The following RAPGEF2 variants were observed in gnomAD, a reference collection of about 807,000 sequenced individuals.
RAPGEF2 encodes the protein Rap guanine nucleotide exchange factor 2.
A neutral mutation model predicts 186.7 loss-of-function variants in RAPGEF2; 54 were observed. The observed-to-expected ratio is 0.29, with a 90% CI of 0.23 to 0.36. RAPGEF2 has a LOEUF of 0.36. Ranked by LOEUF, RAPGEF2 falls within the 10% of genes least tolerant of loss-of-function variation. RAPGEF2 has a pLI of 1.00. For synonymous variants in RAPGEF2, 712 were observed against 705.9 expected (o/e 1.01, Z -0.14); for missense variants, 1,532 against 2,045.0 (o/e 0.75, Z 4.84).
At position 159,358,170 on chromosome 4, in the gene RAPGEF2, C is replaced by T. The variant is rs1475514760; in HGVS notation, c.*31C>T. ...AGACTTTTCTGGAAGCAGAGCGAGC[C>T]ACCTGAAAGGAGAGCACAAGAAGAC... On this transcript the variant is annotated 3_prime_UTR_variant, in exon 30 of 30. Coordinates refer to ENST00000691494, the MANE Select transcript of RAPGEF2 (RefSeq NM_001394067.2). 1.9e-6 allele frequency: 3 copies of T among 1,606,184 alleles called. No homozygotes were observed. The Admixed American group carries it at 5.1e-5, about 27-fold the overall frequency.
chr4:159,160,858 A>G lies in RAPGEF2; in HGVS notation c.70-25784A>G, dbSNP rs545377776. The stretch of plus-strand genomic sequence containing the variant: ...AATCATCTTAAAGTGGAGTGTACTT[A>G]CCCACATCAGGGTTTAAAAGGTAAA... On this transcript the variant is annotated intron_variant, in intron 1 of 29. Coordinates refer to ENST00000691494, the MANE Select transcript of RAPGEF2 (RefSeq NM_001394067.2). 7.9e-5 allele frequency among the ~76,000 whole-genome samples: 12 copies of G among 152,220 alleles called. No homozygotes were observed. In the East Asian group the frequency reaches 2.3e-3, roughly 29 times the overall value.
rs547766505 is a variant in RAPGEF2, at chr4:159,174,688, A to G, written c.70-11954A>G. ...TGGAAAAGAAACCTGAAGAAGTTTTAGACAAACAGGGAATGACTTGAGTCT... is the reference window on the plus strand; with the variant it reads ...TGGAAAAGAAACCTGAAGAAGTTTTGGACAAACAGGGAATGACTTGAGTCT... On this transcript the variant is annotated intron_variant, in intron 1 of 29. Coordinates refer to ENST00000691494, the MANE Select transcript of RAPGEF2 (RefSeq NM_001394067.2). Among the ~76,000 whole-genome samples, 10 of 152,058 alleles carry G rather than the reference A, an allele frequency of 6.6e-5. No homozygotes were observed. In the South Asian group the frequency reaches 2.1e-3, roughly 32 times the overall value.
At chr4:159,251,668 G>A (rs1364365967) in intron 7 of RAPGEF2, among the ~76,000 whole-genome samples, 1 of 150,622 alleles carries the variant, frequency 6.6e-6, no homozygotes, top group Non-Finnish European at 1.5e-5. Context: ...TAGCTAGAGG[G>A]TTGTAAATGC....
chr4:159,122,386 G>A (rs1488031148), intron 1 of RAPGEF2, among the ~76,000 whole-genome samples: 1 of 152,000 alleles, frequency 6.6e-6, no homozygotes, highest in East Asian at 1.9e-4. Flanking sequence ...GGCTGAGGCA[G>A]GAGAACTGCT....
At chr4:159,268,037 T>C in intron 7 of RAPGEF2, 1 of 1,461,604 alleles carries the variant, frequency 6.8e-7, no homozygotes. Flanking sequence ...CAGCTTGGTT[T>C]TCCCTCCTCC....
At chr4:159,224,762 C>A (rs751058807) in intron 4 of RAPGEF2, among the ~76,000 whole-genome samples, 23 of 152,220 alleles carry the variant, frequency 1.5e-4, no homozygotes, top group Middle Eastern at 3.4e-3. Context: ...AAAGTTGAAA[C>A]CAGAGACAGG....
At chr4:159,144,175 G>C (rs1742650694) in intron 1 of RAPGEF2, among the ~76,000 whole-genome samples, 1 of 149,838 alleles carries the variant, frequency 6.7e-6, no homozygotes, top group Non-Finnish European at 1.5e-5. Context: ...TCTCTGTATA[G>C]CTGCATAAAC....
intron 8 of RAPGEF2, among the ~76,000 whole-genome samples, chr4:159,312,562 T>C (rs983511975): frequency 5.9e-5 from 9 of 152,194 alleles, no homozygotes; most frequent in African/African-American, 2.2e-4. Flanking sequence ...GTCACAGTTC[T>C]GTCTGTATGG....
intron 9 of RAPGEF2, among the ~76,000 whole-genome samples, chr4:159,317,146 C>G (rs542950869): frequency 3.0e-4 from 46 of 152,106 alleles, no homozygotes; most frequent in Admixed American, 5.9e-4. Context: ...TTCACCATTT[C>G]AGCTATATAC....
chr4:159,303,877 G>C (rs1419137733), intron 7 of RAPGEF2, among the ~76,000 whole-genome samples: 1 of 151,980 alleles, frequency 6.6e-6, no homozygotes, highest in Non-Finnish European at 1.5e-5. Context: ...TGCTTATATG[G>C]CAATATACTT....
intron 7 of RAPGEF2, among the ~76,000 whole-genome samples, chr4:159,265,034 C>T (rs1011596918): frequency 3.6e-4 from 55 of 152,150 alleles, no homozygotes; most frequent in Admixed American, 3.5e-3. Context: ...TACCGTTTGG[C>T]AACAGTTTAC....
chr4:159,115,542 A>G (rs905038871), intron 1 of RAPGEF2, among the ~76,000 whole-genome samples: 1 of 73,872 alleles, frequency 1.4e-5, no homozygotes, highest in African/African-American at 5.6e-5. Context: ...CTGCAAAGCA[A>G]TAAGTTTCTG....
chr4:159,162,329 G>A (rs554168344), intron 1 of RAPGEF2, among the ~76,000 whole-genome samples: 4 of 150,534 alleles, frequency 2.7e-5, no homozygotes, highest in Admixed American at 6.6e-5. Context: ...CCAGGAGTTT[G>A]GGGGTTACAG....
chr4:159,322,277 A>G, intron 9 of RAPGEF2, 70 bp from the exon 10 acceptor site: 1 of 1,471,860 alleles, frequency 6.8e-7, no homozygotes, highest in East Asian at 2.3e-5. Context: ...AGGACCCTAA[A>G]ACATTCTTTT....
At chr4:159,292,674 G>A (rs1029980573) in intron 7 of RAPGEF2, among the ~76,000 whole-genome samples, 62 of 152,218 alleles carry the variant, frequency 4.1e-4, no homozygotes, top group African/African-American at 1.5e-3. Flanking sequence ...CAAGTGGTCA[G>A]CCTATTCAAT....
At chr4:159,131,555 CTGT>C (rs1318427815) in intron 1 of RAPGEF2, among the ~76,000 whole-genome samples, 20 of 26,408 alleles carry the variant, frequency 7.6e-4, no homozygotes, top group African/African-American at 1.9e-3. Context: ...TTAGCTTTTG[CTGT>C]TGTTGTTTTT....
chr4:159,132,220 A>T (rs192569946), intron 1 of RAPGEF2, among the ~76,000 whole-genome samples: 2 of 152,342 alleles, frequency 1.3e-5, no homozygotes, highest in Admixed American at 1.3e-4. Flanking sequence ...TCTTCAGGTT[A>T]TCTAGCTCTA....
chr4:159,345,728 T>A (rs182113757), intron 24 of RAPGEF2, among the ~76,000 whole-genome samples: 1,749 of 152,308 alleles, frequency 0.011, 26 homozygotes, highest in African/African-American at 0.039. Context: ...CTGGCTGCCT[T>A]TTAACCACTA....
intron 2 of RAPGEF2, among the ~76,000 whole-genome samples, chr4:159,191,055 G>A (rs1054719403): frequency 6.6e-6 from 1 of 152,288 alleles, no homozygotes; most frequent in East Asian, 1.9e-4. Context: ...CTGGGGCATT[G>A]CTTTGGAAGT....
Sources: gnomAD v4.1 joint callset for allele counts (sites outside exome capture counted in the v4.1 genomes callset) on GRCh38, gnomAD v4.1.1 for gene constraint, MANE v1.5 for transcripts, NCBI Gene and HGNC (gene_info 2026-07-23, HGNC 2026-07-21) for gene names.